Variants in ZBED5 observed in about 807,000 individuals in gnomAD.
The protein encoded by ZBED5 is zinc finger BED-type containing 5, also known as zinc finger BED domain-containing protein 5.
ZBED5 carries 29 observed loss-of-function variants against 49.2 expected under a neutral mutation model. The observed-to-expected ratio is 0.59, with a 90% CI of 0.44 to 0.80. ZBED5 has a LOEUF of 0.80. ZBED5 is among the 30% of genes least tolerant of loss of function. ZBED5 has a pLI of 0.00. For synonymous variants in ZBED5, 281 were observed against 292.5 expected (o/e 0.96, Z 0.40); for missense variants, 775 against 812.9 (o/e 0.95, Z 0.57).
rs985050959 is a variant in ZBED5, at chr11:10,855,538, T to A, written c.-141-452A>T. 6.6e-6 allele frequency: 1 copy of A among 152,284 alleles called. No individual in the cohort carries two copies. Among genetic ancestry groups the A allele is most frequent in the Admixed American group, 6.5e-5 (1 of 15,284 alleles). 9.4% of individuals were successfully genotyped at this position (152,284 alleles called of 1,614,324 possible). The stretch of plus-strand genomic sequence containing the variant: ...ATCAGCCCTGTCTCATGGTATGTAG[T>A]ATTGTGAAATCTCTTTTAGCTTTTG... On this transcript the variant is annotated intron_variant, in intron 2 of 2. Transcript: ENST00000413761. This position sits in a 1 kb window ranked among gnomAD's most constrained non-coding sequence, Gnocchi z 4.1.
At position 10,853,788 on chromosome 11, in the gene ZBED5, T is replaced by C. The variant is rs1233259359; in HGVS notation, c.1158A>G (p.Thr386=). 3.2e-6 allele frequency: 5 copies of C among 1,551,510 alleles called. No individual in the cohort carries two copies. Among genetic ancestry groups the C allele is most frequent in the East Asian group, 4.9e-5 (2 of 40,934 alleles). The change falls in exon 3 of 3, where the codon ACA becomes ACG. Residue 386 remains threonine, a synonymous_variant. Coordinates refer to ENST00000413761, the MANE Select transcript of ZBED5 (RefSeq NM_001143667.2). The surrounding 1 kb of genome is among the most constrained non-coding windows in gnomAD (Gnocchi z 5.4). ...RHALAVKIMP[T]SLKNVLDQAV... is the part of the protein sequence containing the mutation. ...CCTGGTCTAGCACATTTTTTAGAGA[T>C]GTAGGCATTATTTTAACTGCCAGTG...
chr11:10,854,930 G>C lies in ZBED5; in HGVS notation c.16C>G (p.Leu6Val). The C allele has an allele frequency of 6.5e-7, 1 of 1,549,294 alleles. No homozygotes were observed. Among genetic ancestry groups the C allele is most frequent in the Non-Finnish European group, 8.7e-7 (1 of 1,145,238 alleles). Residue 6 changes from leucine (L) to valine (V), a missense_variant, in exon 3 of 3, where the codon CTT (leucine) becomes GTT (valine). Coordinates refer to ENST00000413761, the MANE Select transcript of ZBED5 (RefSeq NM_001143667.2). The surrounding 1 kb of genome is among the most constrained non-coding windows in gnomAD (Gnocchi z 5.0). Reference protein sequence around the residue: MIAPLLCILSYNFNTF... With the variant: MIAPLVCILSYNFNTF... The stretch of plus-strand genomic sequence containing the variant: ...TTGAAATTATAAGACAGGATACAAA[G>C]AAGAGGAGCAATCATCAAAGAGATG...
At position 10,855,758 on chromosome 11, in the gene ZBED5, T is replaced by G. The variant is rs887950103; in HGVS notation, c.-142+386A>C. 9.8e-5 allele frequency: 15 copies of G among 152,314 alleles called. No homozygotes were observed. The highest frequency in any genetic ancestry group is 3.1e-4 in the African/African-American group (13 of 41,560). 9.4% of individuals were successfully genotyped at this position (152,314 alleles called of 1,614,324 possible). A position where few individuals can be genotyped will look rare whatever the true frequency, so the allele number is the denominator to read the frequency against. ...AAATTGTATATCAAAAGTTAGGTACTGTTTCTCTGGACTTAAATTATATAA... is the reference window on the plus strand; with the variant it reads ...AAATTGTATATCAAAAGTTAGGTACGGTTTCTCTGGACTTAAATTATATAA... On this transcript the variant is annotated intron_variant, in intron 2 of 2. Transcript: ENST00000413761. This position sits in a 1 kb window ranked among gnomAD's most constrained non-coding sequence, Gnocchi z 4.1.
Position 10,855,071 on chromosome 11 carries a change from G to A in ZBED5, c.-126C>T. On this transcript the variant is annotated 5_prime_UTR_variant, in exon 3 of 3. Coordinates refer to ENST00000413761, the MANE Select transcript of ZBED5 (RefSeq NM_001143667.2). This position sits in a 1 kb window ranked among gnomAD's most constrained non-coding sequence, Gnocchi z 4.1. ...TCATGCGACTTCCTGGTGCTCTCAG[G>A]TATGGTACACCTTTTCTTAAAGGTA... is the stretch of plus-strand genomic sequence containing the variant. 8.4e-7 allele frequency: 1 copy of A among 1,184,724 alleles called. No individual in the cohort carries two copies. Among genetic ancestry groups the A allele is most frequent in the Non-Finnish European group, 1.2e-6 (1 of 861,550 alleles). The allele number at this position is 1,184,724 out of a possible 1,614,324, so 73.4% of individuals were successfully genotyped here.
In ZBED5 at chr11:10,854,843, G is replaced by T; in HGVS notation, c.103C>A (p.Pro35Thr). The T allele has an allele frequency of 6.4e-7, 1 of 1,551,926 alleles. No individual in the cohort carries two copies. Among genetic ancestry groups the T allele is most frequent in the Non-Finnish European group, 8.7e-7 (1 of 1,146,966 alleles). The change falls in exon 3 of 3, where the codon CCC (proline) becomes ACC (threonine). Residue 35 changes from proline (P) to threonine (T), a missense_variant. Physicochemically the swap from Pro to Thr is conservative, Grantham distance 38. Transcript: ENST00000413761. This position sits in a 1 kb window ranked among gnomAD's most constrained non-coding sequence, Gnocchi z 5.0. The part of the protein sequence containing the change: ...LTMFCTTNSL[P>T]MDLLLKQGSL... ...CCTTGTTTCAGCAACAGATCCATGG[G>T]CAATGAGTTTGTGGTACAAAACATG...
rs978657724 is a variant in ZBED5 at position 10,855,670 on chromosome 11, C to G, written c.-142+474G>C. On this transcript the variant is annotated intron_variant, in intron 2 of 2. Transcript: ENST00000413761. This position sits in a 1 kb window ranked among gnomAD's most constrained non-coding sequence, Gnocchi z 4.1. ...AAGTGAATTAAACACACACACAGTT[C>G]CAAGTTTTGCGAGATACATAATTCT... is the stretch of plus-strand genomic sequence containing the variant. 1 of 152,142 alleles carries G rather than the reference C, an allele frequency of 6.6e-6. No individual in the cohort carries two copies. The highest frequency in any genetic ancestry group is 2.1e-4 in the South Asian group (1 of 4,834). 9.4% of individuals were successfully genotyped at this position (152,142 alleles called of 1,614,324 possible). A position where few individuals can be genotyped will look rare whatever the true frequency, so the allele number is the denominator to read the frequency against.
At position 10,855,061 on chromosome 11, in the gene ZBED5, G is replaced by A. The variant is rs896954807; in HGVS notation, c.-116C>T. 48 of 1,274,730 alleles carry A rather than the reference G, an allele frequency of 3.8e-5. No homozygotes were observed. In the East Asian group the frequency reaches 1.2e-3, roughly 32 times the overall value. The allele number at this position is 1,274,730 out of a possible 1,614,324, so 79.0% of individuals were successfully genotyped here. A position where few individuals can be genotyped will look rare whatever the true frequency, so the allele number is the denominator to read the frequency against. ...AGGTGATCTCTCATGCGACTTCCTG[G>A]TGCTCTCAGGTATGGTACACCTTTT... On this transcript the variant is annotated 5_prime_UTR_variant, in exon 3 of 3. Transcript: ENST00000413761. The surrounding 1 kb of genome is among the most constrained non-coding windows in gnomAD (Gnocchi z 4.1).
In ZBED5 at chr11:10,855,749, G is replaced by C. The variant is rs1327593683; in HGVS notation, c.-142+395C>G. On this transcript the variant is annotated intron_variant, in intron 2 of 2. Transcript: ENST00000413761. The surrounding 1 kb of genome is among the most constrained non-coding windows in gnomAD (Gnocchi z 4.1). ...ATGAAGAATAAATTGTATATCAAAA[G>C]TTAGGTACTGTTTCTCTGGACTTAA... is the stretch of plus-strand genomic sequence containing the variant. The C allele has an allele frequency of 6.6e-6, 1 of 152,092 alleles. No homozygotes were observed. The highest frequency in any genetic ancestry group is 1.5e-5 in the Non-Finnish European group (1 of 68,020). The allele number at this position is 152,092 out of a possible 1,614,324, so 9.4% of individuals were successfully genotyped here.
In ZBED5 at chr11:10,858,013, T is replaced by G. The variant is rs1848209246; in HGVS notation, c.-407A>C. The G allele has an allele frequency of 3.5e-6, 1 of 286,078 alleles. No homozygotes were observed. Among genetic ancestry groups the G allele is most frequent in the African/African-American group, 2.2e-5 (1 of 45,906 alleles). The allele number at this position is 286,078 out of a possible 1,614,324, so 17.7% of individuals were successfully genotyped here. On this transcript the variant is annotated 5_prime_UTR_variant, in exon 1 of 3. Transcript: ENST00000413761. ...GCTCAGGGATATCGCCTAGGCCATC[T>G]CCATAGAGATCCGATTCGCGGCTGG...
rs1263294670 is a variant in ZBED5, at chr11:10,853,202, C to T, written c.1744G>A (p.Val582Ile). Residue 582 changes from valine to isoleucine, a missense_variant, in exon 3 of 3, where the codon GTT becomes ATT. Val to Ile is a conservative substitution (Grantham distance 29). Transcript: ENST00000413761. The surrounding 1 kb of genome is among the most constrained non-coding windows in gnomAD (Gnocchi z 5.4). ...CGTGCTACTAATGAAGCTGGTTTAA[C>T]AGTAACTGTAAATGGATTTCTAACC... ...AWVRNPFTVT[V>I]KPASLVARDY... The T allele has an allele frequency of 5.2e-6, 8 of 1,551,624 alleles. No individual in the cohort carries two copies. Among genetic ancestry groups the T allele is most frequent in the Non-Finnish European group, 7.0e-6 (8 of 1,146,922 alleles).
Position 10,854,583 on chromosome 11 carries a change from G to C in ZBED5, c.363C>G (p.Tyr121Ter). Residue 121 changes from tyrosine to a stop codon, truncating the protein, a stop_gained, in exon 3 of 3, where the codon TAC becomes TAG. Coordinates refer to ENST00000413761, the MANE Select transcript of ZBED5 (RefSeq NM_001143667.2). LOFTEE classifies it high-confidence loss of function. This position sits in a 1 kb window ranked among gnomAD's most constrained non-coding sequence, Gnocchi z 5.0. ...DESYLSFGFT[Y>*]FGNRDAPHAQ... ...CATGAGGTGCATCTCTATTTCCGAAGTAAGTAAATCCAAAAGACAAATAAC... is the reference window on the plus strand; with the variant it reads ...CATGAGGTGCATCTCTATTTCCGAACTAAGTAAATCCAAAAGACAAATAAC... 2 of 1,551,262 alleles carry C rather than the reference G, an allele frequency of 1.3e-6. No individual in the cohort carries two copies. Among genetic ancestry groups the C allele is most frequent in the South Asian group, 1.2e-5 (1 of 84,012 alleles).
In ZBED5 at chr11:10,857,490, T is replaced by A. The variant is rs1848199294; in HGVS notation, c.-256+372A>T. ...TGCTCCTTCCAACACCTAAATGCTT[T>A]TTTAAACGGTCACCTGGATGTGCAG... On this transcript the variant is annotated intron_variant, in intron 1 of 2. Transcript: ENST00000413761. This position sits in a 1 kb window ranked among gnomAD's most constrained non-coding sequence, Gnocchi z 6.3. 1 of 152,358 alleles carries A rather than the reference T, an allele frequency of 6.6e-6. No homozygotes were observed. The highest frequency in any genetic ancestry group is 1.5e-5 in the Non-Finnish European group (1 of 68,194). 9.4% of individuals were successfully genotyped at this position (152,358 alleles called of 1,614,324 possible).
chr11:10,853,359 T>TGTAGGA lies in ZBED5; in HGVS notation c.1581_1586dup (p.Pro528_Thr529dup). 1.9e-6 allele frequency: 3 copies of TGTAGGA among 1,551,468 alleles called. No homozygotes were observed. Among genetic ancestry groups the TGTAGGA allele is most frequent in the Non-Finnish European group, 2.6e-6 (3 of 1,146,896 alleles). On this transcript the variant is annotated inframe_insertion, in exon 3 of 3. Coordinates refer to ENST00000413761, the MANE Select transcript of ZBED5 (RefSeq NM_001143667.2). The surrounding 1 kb of genome is among the most constrained non-coding windows in gnomAD (Gnocchi z 5.4). ...TAATTTCAGTCAAAAAATCACTGAG[T>TGTAGGA]GTAGGAAAACAATCAAAGTTTTCTT...
Position 10,856,265 on chromosome 11 carries a change from G to A in ZBED5, c.-255-8C>T, listed in dbSNP as rs1848179000. 1 of 152,114 alleles carries A rather than the reference G, an allele frequency of 6.6e-6. No homozygotes were observed. The highest frequency in any genetic ancestry group is 6.6e-5 in the Admixed American group (1 of 15,262). The allele number at this position is 152,114 out of a possible 1,614,324, so 9.4% of individuals were successfully genotyped here. A position where few individuals can be genotyped will look rare whatever the true frequency, so the allele number is the denominator to read the frequency against. On this transcript the variant is annotated splice_polypyrimidine_tract_variant and splice_region_variant and intron_variant, in intron 1 of 2. Transcript: ENST00000413761. ...AGGGGAGTAACCAAAAGCCTAGAAT[G>A]AGAAAAATTAAAATTAGATACAGTA...
rs959169559 is a variant in ZBED5 at position 10,854,355 on chromosome 11, T to C, written c.591A>G (p.Ser197=). The change falls in exon 3 of 3, where the codon TCA becomes TCG. Residue 197 remains serine (S), a synonymous_variant. Transcript: ENST00000413761. The surrounding 1 kb of genome is among the most constrained non-coding windows in gnomAD (Gnocchi z 5.0). ...GCGCTATATGGTAACTTACATTGTA[T>C]GATGCTTCTGTAGCACTTTCATTAT... The part of the protein sequence containing the change: ...NTDNESATEA[S]YNVSYHIALS... 6.4e-7 allele frequency: 1 copy of C among 1,550,688 alleles called. No individual in the cohort carries two copies. The highest frequency in any genetic ancestry group is 8.7e-7 in the Non-Finnish European group (1 of 1,146,920).
rs1848200212 is a variant in ZBED5 at position 10,857,538 on chromosome 11, T to G, written c.-256+324A>C. 2.6e-5 allele frequency: 4 copies of G among 152,204 alleles called. No individual in the cohort carries two copies. Among genetic ancestry groups the G allele is most frequent in the East Asian group, 1.9e-4 (1 of 5,162 alleles). The allele number at this position is 152,204 out of a possible 1,614,324, so 9.4% of individuals were successfully genotyped here. A position where few individuals can be genotyped will look rare whatever the true frequency, so the allele number is the denominator to read the frequency against. Reference sequence around the variant, plus strand: ...CAGCCAGGGCCAACTATCCCTCAGCTCCTCCCTGTCACAGGTGCGCGCTGC... The same window carrying G: ...CAGCCAGGGCCAACTATCCCTCAGCGCCTCCCTGTCACAGGTGCGCGCTGC... On this transcript the variant is annotated intron_variant, in intron 1 of 2. Coordinates refer to ENST00000413761, the MANE Select transcript of ZBED5 (RefSeq NM_001143667.2). The surrounding 1 kb of genome is among the most constrained non-coding windows in gnomAD (Gnocchi z 6.3).
chr11:10,853,241 C>A lies in ZBED5; in HGVS notation c.1705G>T (p.Asp569Tyr), dbSNP rs1848124879. The change falls in exon 3 of 3, where the codon GAC (aspartate) becomes TAC (tyrosine). Residue 569 changes from aspartate (D) to tyrosine (Y), a missense_variant. Transcript: ENST00000413761. This position sits in a 1 kb window ranked among gnomAD's most constrained non-coding sequence, Gnocchi z 5.4. ...TLLKYFPVTN[D>Y]NNAWVRNPFT... The stretch of plus-strand genomic sequence containing the variant: ...GGATTTCTAACCCAAGCATTATTGT[C>A]ATTTGTTACAGGAAAGTATTTTAAC... 2 of 1,551,318 alleles carry A rather than the reference C, an allele frequency of 1.3e-6. No individual in the cohort carries two copies. Among genetic ancestry groups the A allele is most frequent in the Admixed American group, 2.0e-5 (1 of 50,964 alleles).
Position 10,854,234 on chromosome 11 carries a change from T to C in ZBED5, c.712A>G (p.Ile238Val). 2 of 1,550,838 alleles carry C rather than the reference T, an allele frequency of 1.3e-6. No individual in the cohort carries two copies. The highest frequency in any genetic ancestry group is 1.7e-6 in the Non-Finnish European group (2 of 1,146,494). ...RMFDEQYSKKIDAVQLSNSTV... is the reference protein window; with the variant it reads ...RMFDEQYSKKVDAVQLSNSTV... The stretch of plus-strand genomic sequence containing the variant: ...CTGTTTGATAGCTGTACTGCATCTA[T>C]TTTTTTACTATATTGTTCATCAAAC... Residue 238 changes from isoleucine (I) to valine (V), a missense_variant, in exon 3 of 3, where the codon ATA becomes GTA. Physicochemically the swap from Ile to Val is conservative, Grantham distance 29. Transcript: ENST00000413761. This position sits in a 1 kb window ranked among gnomAD's most constrained non-coding sequence, Gnocchi z 5.0.
At chr11:10,856,532 T>A (rs1363413964) in intron 1 of ZBED5, among the ~76,000 whole-genome samples, 1 of 152,192 alleles carries the variant, frequency 6.6e-6, no homozygotes, top group Non-Finnish European at 1.5e-5. Context: ...TTTCTAGAAC[T>A]TGAAACTAAG....
Sources: allele counts gnomAD v4.1 joint callset (sites outside exome capture counted in the v4.1 genomes callset), GRCh38; gene constraint gnomAD v4.1.1; non-coding constraint Gnocchi (gnomAD v3.1); transcripts MANE v1.5; gene names NCBI Gene and HGNC (gene_info 2026-07-23, HGNC 2026-07-21).